SGCZ: variants seen among roughly 807,000 people sequenced by gnomAD.
SGCZ encodes the protein sarcoglycan zeta, also known as zeta-sarcoglycan.
SGCZ carries 40 observed loss-of-function variants against 41.3 expected under a neutral mutation model. The observed-to-expected ratio is 0.97, with a 90% CI of 0.75 to 1.26. SGCZ has a LOEUF of 1.26. Ranked by LOEUF, SGCZ falls within the 50% of genes most tolerant of loss-of-function variation. The pLI, the probability that SGCZ is intolerant of heterozygous loss-of-function variation, is 0.00. For synonymous variants in SGCZ, 206 were observed against 137.5 expected (o/e 1.50, Z -3.49); for missense variants, 552 against 369.8 (o/e 1.49, Z -4.04).
chr8:14,833,963 G>A (rs73201270), intron 1 of SGCZ, among the ~76,000 whole-genome samples: 4 of 152,158 alleles, frequency 2.6e-5, no homozygotes, highest in Non-Finnish European at 5.9e-5. Context: ...AAATATTGTG[G>A]AAGCTACTTT....
At chr8:14,187,122 G>T (rs1173023819) in intron 4 of SGCZ, among the ~76,000 whole-genome samples, 1 of 152,142 alleles carries the variant, frequency 6.6e-6, no homozygotes, top group Non-Finnish European at 1.5e-5. Flanking sequence ...ACCCTCTGAG[G>T]AACTGTGGGT....
chr8:15,076,084 G>A (rs1368241509), intron 1 of SGCZ, among the ~76,000 whole-genome samples: 1 of 152,134 alleles, frequency 6.6e-6, no homozygotes, highest in Non-Finnish European at 1.5e-5. Context: ...ACATATAATA[G>A]ATACCTTTTT....
chr8:14,511,913 A>G (rs572599126), intron 2 of SGCZ, among the ~76,000 whole-genome samples: 10 of 152,200 alleles, frequency 6.6e-5, no homozygotes, highest in Admixed American at 3.3e-4. Context: ...ATTAGTAACA[A>G]TTTTTTAATT....
At chr8:14,754,266 T>A (rs2130329116) in intron 1 of SGCZ, among the ~76,000 whole-genome samples, 1 of 152,270 alleles carries the variant, frequency 6.6e-6, no homozygotes, top group East Asian at 1.9e-4. Flanking sequence ...TTTGAAACCG[T>A]AGGCCTCAAA....
chr8:14,931,511 C>T (rs953570998), intron 1 of SGCZ, among the ~76,000 whole-genome samples: 2 of 151,908 alleles, frequency 1.3e-5, no homozygotes, highest in Non-Finnish European at 2.9e-5. Context: ...AAATCAAGAG[C>T]AATAACAAAA....
At chr8:15,001,449 G>A (rs1802416609) in intron 1 of SGCZ, among the ~76,000 whole-genome samples, 1 of 152,184 alleles carries the variant, frequency 6.6e-6, no homozygotes, top group African/African-American at 2.4e-5. Context: ...TGGAGGGTAG[G>A]CCGGGCATGG....
chr8:14,359,992 C>A (rs970738265), intron 2 of SGCZ, among the ~76,000 whole-genome samples: 2 of 151,994 alleles, frequency 1.3e-5, no homozygotes, highest in East Asian at 3.9e-4. Flanking sequence ...ATCATATCAA[C>A]AGAATGAAGG....
At chr8:14,942,806 G>C (rs1800321260) in intron 1 of SGCZ, among the ~76,000 whole-genome samples, 1 of 152,008 alleles carries the variant, frequency 6.6e-6, no homozygotes, top group African/African-American at 2.4e-5. Flanking sequence ...TATACTGATT[G>C]ATTAGGCATT....
At chr8:15,178,204 T>C (rs1325820850) in intron 1 of SGCZ, among the ~76,000 whole-genome samples, 1 of 152,154 alleles carries the variant, frequency 6.6e-6, no homozygotes, top group Non-Finnish European at 1.5e-5. Flanking sequence ...TTTCTTTTTT[T>C]GTTTTTTTCT....
Position 15,227,498 on chromosome 8 carries a change from G to C in SGCZ, c.39+10087C>G, listed in dbSNP as rs142459059. Among the ~76,000 whole-genome samples, 63 of 152,224 alleles carry C rather than the reference G, an allele frequency of 4.1e-4. No homozygotes were observed. In the East Asian group the frequency reaches 0.011, roughly 28 times the overall value. On this transcript the variant is annotated intron_variant, in intron 1 of 7. Coordinates refer to ENST00000382080, the MANE Select transcript of SGCZ (RefSeq NM_139167.4). ...AACTTTAGACATTAGATTACTTAAAGAGGAAACAACATCAGTTAAGTCAAA... is the reference window on the plus strand; with the variant it reads ...AACTTTAGACATTAGATTACTTAAACAGGAAACAACATCAGTTAAGTCAAA...
At chr8:14,710,738 A>C (rs1407322475) in intron 1 of SGCZ, among the ~76,000 whole-genome samples, 2 of 152,168 alleles carry the variant, frequency 1.3e-5, no homozygotes, top group Non-Finnish European at 2.9e-5. Flanking sequence ...TTATAGAACC[A>C]AAAAAATACT....
intron 1 of SGCZ, among the ~76,000 whole-genome samples, chr8:14,566,861 T>C (rs1804382200): frequency 6.6e-6 from 1 of 152,288 alleles, no homozygotes; most frequent in African/African-American, 2.4e-5. Context: ...CACACGGTGC[T>C]TGCGGGCCAG....
At chr8:14,920,201 G>T (rs1484829451) in intron 1 of SGCZ, among the ~76,000 whole-genome samples, 2 of 152,108 alleles carry the variant, frequency 1.3e-5, no homozygotes, top group Non-Finnish European at 2.9e-5. Context: ...TGGGATTGCT[G>T]CCTAGTGGAA....
intron 1 of SGCZ, among the ~76,000 whole-genome samples, chr8:14,565,201 T>C (rs1398832849): frequency 6.6e-6 from 1 of 152,148 alleles, no homozygotes; most frequent in African/African-American, 2.4e-5. Flanking sequence ...ATTTAAAAAA[T>C]AATTTTTTTC....
chr8:14,432,368 G>A (rs542652501), intron 2 of SGCZ, among the ~76,000 whole-genome samples: 57 of 152,172 alleles, frequency 3.7e-4, no homozygotes, highest in Non-Finnish European at 7.2e-4. Flanking sequence ...ATGAAATAAT[G>A]GCATTTGCAG....
At chr8:14,766,725 C>CTA (rs1304246967) in intron 1 of SGCZ, among the ~76,000 whole-genome samples, 1 of 108,414 alleles carries the variant, frequency 9.2e-6, no homozygotes, top group Non-Finnish European at 1.7e-5. Flanking sequence ...CCATGTCCAG[C>CTA]TATTTTTTTT....
chr8:15,198,247 C>T (rs986319292), intron 1 of SGCZ, among the ~76,000 whole-genome samples: 1 of 151,646 alleles, frequency 6.6e-6, no homozygotes, highest in Non-Finnish European at 1.5e-5. Context: ...CATTTTTACG[C>T]CAAAATATGA....
chr8:14,559,535 A>G (rs1804144025), intron 1 of SGCZ, among the ~76,000 whole-genome samples: 1 of 151,914 alleles, frequency 6.6e-6, no homozygotes, highest in African/African-American at 2.4e-5. Flanking sequence ...TAGAATCAAT[A>G]TTGTGAAAAC....
chr8:14,946,211 CATG>C (rs779676104), intron 1 of SGCZ, among the ~76,000 whole-genome samples: 6 of 150,298 alleles, frequency 4.0e-5, no homozygotes, highest in Non-Finnish European at 7.4e-5. Flanking sequence ...TATGCAGAAC[CATG>C]AAGCCTCCTC....
Sources: allele counts gnomAD v4.1 joint callset (sites outside exome capture counted in the v4.1 genomes callset), GRCh38; gene constraint gnomAD v4.1.1; transcripts MANE v1.5; gene names NCBI Gene and HGNC (gene_info 2026-07-23, HGNC 2026-07-21).